Variants in ANKRD30BL observed in about 807,000 individuals in gnomAD.
The protein encoded by ANKRD30BL is ankyrin repeat domain 30B like, also known as putative ankyrin repeat domain-containing protein 30B-like.
Under a neutral mutation model 18.4 loss-of-function variants are expected in ANKRD30BL, and 20 were observed. The ratio of observed to expected loss-of-function variants is 1.09; its 90% confidence interval spans 0.77 to 1.58. The LOEUF (loss-of-function observed/expected upper bound fraction) is 1.58, where lower values mean the gene tolerates loss of function less well. ANKRD30BL is among the 40% of genes most tolerant of loss of function. The pLI is 0.00. For missense variants in ANKRD30BL, 224 were observed against 268.6 expected, an observed-to-expected ratio of 0.83 and a Z score of 1.16; for synonymous variants, 72 against 100.9, an observed-to-expected ratio of 0.71 and a Z score of 1.72.
chr2:132,209,958 ACT>A (rs1340035463), intron 1 of ANKRD30BL, among the ~76,000 whole-genome samples: 2 of 148,966 alleles, frequency 1.3e-5, no homozygotes, highest in Non-Finnish European at 3.0e-5. Context: ...GTTTTGAAAC[ACT>A]CTTTTTGTAG....
chr2:132,236,220 T>TA (rs575812653), intron 1 of ANKRD30BL, among the ~76,000 whole-genome samples: 1 of 151,956 alleles, frequency 6.6e-6, no homozygotes, highest in Non-Finnish European at 1.5e-5. Flanking sequence ...ACGTTCAACC[T>TA]AAAACCATAA....
intron 1 of ANKRD30BL, among the ~76,000 whole-genome samples, chr2:132,199,821 C>T (rs1466950970): frequency 2.0e-5 from 3 of 151,868 alleles, no homozygotes; most frequent in Non-Finnish European, 2.9e-5. Context: ...AGATTTTGAG[C>T]CTTTAAAGAG....
chr2:132,248,672 A>G (rs904759236), intron 1 of ANKRD30BL, among the ~76,000 whole-genome samples: 1 of 152,134 alleles, frequency 6.6e-6, no homozygotes, highest in African/African-American at 2.4e-5. Flanking sequence ...CAGATTTTAC[A>G]AGAACAGAGT....
rs1294498929 is a variant in ANKRD30BL at position 132,161,753 on chromosome 2, C to G, written c.-48G>C. The G allele has an allele frequency of 1.2e-6, 1 of 844,776 alleles. No individual in the cohort carries two copies. The highest frequency in any genetic ancestry group is 1.7e-5 in the African/African-American group (1 of 59,344). 52.3% of individuals were successfully genotyped at this position (844,776 alleles called of 1,614,324 possible). A position where few individuals can be genotyped will look rare whatever the true frequency, so the allele number is the denominator to read the frequency against. ...GAGCCCGTGCCTCCCGCTGCTCGCC[C>G]TTCCCCAGTCCCCGCCGCTCGCCCT... On this transcript the variant is annotated 5_prime_UTR_variant, in exon 1 of 6. Transcript: ENST00000409867.
intron 1 of ANKRD30BL, among the ~76,000 whole-genome samples, chr2:132,198,307 TCTTTCTTTC>T (rs1558928516): frequency 1.2e-3 from 18 of 15,208 alleles, no homozygotes; most frequent in African/African-American, 1.8e-3. Flanking sequence ...TTTCTTTCTT[TCTTTCTTTC>T]TTTCTTTCTT....
intron 1 of ANKRD30BL, among the ~76,000 whole-genome samples, chr2:132,255,007 C>T (rs1680784928): frequency 5.9e-5 from 9 of 152,146 alleles, no homozygotes; most frequent in Non-Finnish European, 1.2e-4. Flanking sequence ...CTGTCAATTC[C>T]TTTAAGTTTC....
intron 1 of ANKRD30BL, among the ~76,000 whole-genome samples, chr2:132,256,358 G>C (rs78948854): frequency 6.6e-6 from 1 of 151,764 alleles, no homozygotes; most frequent in Admixed American, 6.6e-5. Context: ...TCCACCCACA[G>C]GACACAAAAC....
chr2:132,256,267 C>G (rs1024620324), intron 1 of ANKRD30BL, among the ~76,000 whole-genome samples: 4 of 145,504 alleles, frequency 2.7e-5, no homozygotes, highest in Non-Finnish European at 6.0e-5. Context: ...CGCGGCAGGG[C>G]GGGCGATGGG....
At position 132,239,156 on chromosome 2, in the gene ANKRD30BL, C is replaced by A. The variant is rs199963854; in HGVS notation, n.441+18373G>T. ...CACATAAAAACTAGAGAGAAGCATT[C>A]TCAGAAACTACTTTGTGATGTGTGT... On this transcript the variant is annotated intron_variant and non_coding_transcript_variant, in intron 1 of 4. Coordinates refer to the ANKRD30BL transcript ENST00000470729. 2.6e-5 allele frequency among the ~76,000 whole-genome samples: 4 copies of A among 152,108 alleles called. No individual in the cohort carries two copies. In the South Asian group the frequency reaches 8.3e-4, roughly 31 times the overall value.
chr2:132,231,504 G>A (rs1479879183), intron 1 of ANKRD30BL, among the ~76,000 whole-genome samples: 1 of 152,230 alleles, frequency 6.6e-6, no homozygotes, highest in South Asian at 2.1e-4. Context: ...AGCTGAAGCA[G>A]GGCGATGCAT....
At position 132,161,564 on chromosome 2, in the gene ANKRD30BL, G is replaced by C. The variant is rs1416249576; in HGVS notation, c.142C>G (p.Arg48Gly). ...DLRKIHKAAS[R>G]GQAWKLERMM... ...CTCTCCAGCTTCCAGGCTTGGCCCC[G>C]GGAGGCAGCTTTGTGGATCTTCCTG... Residue 48 changes from arginine (R) to glycine (G), a missense_variant, in exon 1 of 6, where the codon CGG becomes GGG. Transcript: ENST00000409867. 3 of 1,456,810 alleles carry C rather than the reference G, an allele frequency of 2.1e-6. No individual in the cohort carries two copies. In the South Asian group the frequency reaches 3.7e-5, roughly 18 times the overall value. 90.2% of individuals were successfully genotyped at this position (1,456,810 alleles called of 1,614,324 possible). A position where few individuals can be genotyped will look rare whatever the true frequency, so the allele number is the denominator to read the frequency against.
intron 1 of ANKRD30BL, among the ~76,000 whole-genome samples, chr2:132,241,792 T>C (rs1270052273): frequency 1.3e-5 from 2 of 152,066 alleles, no homozygotes; most frequent in Non-Finnish European, 2.9e-5. Context: ...AAACACTCTT[T>C]TTGTAGAATC....
chr2:132,230,361 A>G (rs977758902), intron 1 of ANKRD30BL, among the ~76,000 whole-genome samples: 2 of 151,936 alleles, frequency 1.3e-5, no homozygotes, highest in Non-Finnish European at 2.9e-5. Context: ...GTGTACATTC[A>G]ACTCACAGAG....
In ANKRD30BL at chr2:132,161,547, C is replaced by A; in HGVS notation, c.159G>T (p.Lys53Asn). The A allele has an allele frequency of 2.1e-6, 3 of 1,456,892 alleles. No homozygotes were observed. Among genetic ancestry groups the A allele is most frequent in the Non-Finnish European group, 2.8e-6 (3 of 1,063,458 alleles). The allele number at this position is 1,456,892 out of a possible 1,614,324, so 90.2% of individuals were successfully genotyped here. Residue 53 changes from lysine to asparagine, a missense_variant, in exon 1 of 6, where the codon AAG (lysine) becomes AAT (asparagine). Physicochemically the swap from Lys to Asn is moderately conservative, Grantham distance 94. This residue lies in a region of ANKRD30BL where 131 missense variants were observed against 128.8 expected (regional missense o/e 1.02). Transcript: ENST00000409867. ...HKAASRGQAWKLERMMKKTTM... is the reference protein window; with the variant it reads ...HKAASRGQAWNLERMMKKTTM... ...TCGTCTTCTTCATCATCCTCTCCAG[C>A]TTCCAGGCTTGGCCCCGGGAGGCAG...
At chr2:132,174,337 A>G (rs1435365436) in intron 1 of ANKRD30BL, among the ~76,000 whole-genome samples, 2 of 152,148 alleles carry the variant, frequency 1.3e-5, no homozygotes, top group Non-Finnish European at 2.9e-5. Flanking sequence ...TTTCTTAGAT[A>G]TATTTGTGTC....
upstream of ANKRD30BL, among the ~76,000 whole-genome samples, chr2:132,163,549 A>T (rs1372287531): frequency 6.6e-6 from 1 of 152,228 alleles, no homozygotes; most frequent in Non-Finnish European, 1.5e-5. Context: ...CTCTCAAAAT[A>T]AATAAATGAA....
intron 1 of ANKRD30BL, among the ~76,000 whole-genome samples, chr2:132,193,710 T>C (rs556369785): frequency 6.6e-6 from 1 of 152,126 alleles, no homozygotes; most frequent in East Asian, 1.9e-4. Flanking sequence ...ACATATTCTA[T>C]CACAGATCTT....
At chr2:132,150,318 AAC>A (rs1396401151) in intron 5 of ANKRD30BL, among the ~76,000 whole-genome samples, 2 of 138,744 alleles carry the variant, frequency 1.4e-5, no homozygotes, top group Non-Finnish European at 3.0e-5. Context: ...TTGTTTATTT[AAC>A]AGTTTATTTA....
At chr2:132,254,270 T>C (rs74701260) in intron 1 of ANKRD30BL, among the ~76,000 whole-genome samples, 1 of 150,466 alleles carries the variant, frequency 6.6e-6, no homozygotes, top group Admixed American at 6.6e-5. Context: ...ACTCCGCCCA[T>C]GCATGCGCCA....
Sources: allele counts gnomAD v4.1 joint callset (sites outside exome capture counted in the v4.1 genomes callset), GRCh38; gene constraint gnomAD v4.1.1; regional missense constraint gnomAD v4.1.1; transcripts MANE v1.5; gene names NCBI Gene and HGNC (gene_info 2026-07-23, HGNC 2026-07-21).